Variants in UNC5D observed in about 807,000 individuals in gnomAD.
UNC5D encodes the protein netrin receptor UNC5D.
UNC5D carries 39 observed loss-of-function variants against 105.4 expected under a neutral mutation model. The observed-to-expected ratio is 0.37, with a 90% CI of 0.29 to 0.48. UNC5D has a LOEUF of 0.48. UNC5D is among the 20% of genes least tolerant of loss of function. The probability of loss-of-function intolerance (pLI) is 0.98; values close to 1 mark genes in which losing one functional copy is unlikely to be tolerated. For missense variants in UNC5D, 991 were observed against 1,202.4 expected, an observed-to-expected ratio of 0.82 and a Z score of 2.60; for synonymous variants, 452 against 450.4, an observed-to-expected ratio of 1.00 and a Z score of -0.04.
intron 4 of UNC5D, among the ~76,000 whole-genome samples, chr8:35,642,743 G>A (rs963975008): frequency 3.9e-5 from 6 of 152,122 alleles, no homozygotes; most frequent in African/African-American, 1.4e-4. Context: ...TTACTAGGAA[G>A]TATTGTTTTG....
At chr8:35,323,468 C>A (rs898250559) in intron 1 of UNC5D, among the ~76,000 whole-genome samples, 2 of 152,050 alleles carry the variant, frequency 1.3e-5, no homozygotes, top group Non-Finnish European at 2.9e-5. Flanking sequence ...CCCCTTTAGT[C>A]TGCCCTTCAC....
At chr8:35,660,735 T>C (rs1824053724) in intron 4 of UNC5D, among the ~76,000 whole-genome samples, 1 of 152,110 alleles carries the variant, frequency 6.6e-6, no homozygotes. Flanking sequence ...GTAGAGTCCC[T>C]CCCCTTGGGG....
chr8:35,717,740 C>G (rs1482395689), intron 8 of UNC5D, among the ~76,000 whole-genome samples: 1 of 152,182 alleles, frequency 6.6e-6, no homozygotes, highest in Admixed American at 6.5e-5. Flanking sequence ...AAGGTCATGT[C>G]CTCTTTTGCA....
intron 1 of UNC5D, among the ~76,000 whole-genome samples, chr8:35,430,554 G>A (rs115493331): frequency 0.014 from 2,110 of 152,202 alleles, 62 homozygotes; most frequent in African/African-American, 0.048. Context: ...ATTGGCATAG[G>A]AAGTGGAGGG....
intron 3 of UNC5D, among the ~76,000 whole-genome samples, chr8:35,575,975 C>T (rs1318346771): frequency 6.6e-6 from 1 of 152,078 alleles, no homozygotes; most frequent in African/African-American, 2.4e-5. Flanking sequence ...ATTTCATCCA[C>T]CTGAAGGAAG....
At chr8:35,297,150 A>G (rs1254058349) in intron 1 of UNC5D, among the ~76,000 whole-genome samples, 2 of 152,270 alleles carry the variant, frequency 1.3e-5, no homozygotes, top group South Asian at 2.1e-4. Flanking sequence ...GTGTGTTTAT[A>G]AGCACTTCTA....
At chr8:35,577,879 G>A (rs1175803767) in intron 3 of UNC5D, among the ~76,000 whole-genome samples, 3 of 152,112 alleles carry the variant, frequency 2.0e-5, no homozygotes, top group Admixed American at 2.0e-4. Flanking sequence ...GTGATTTGAT[G>A]TGATATCCTG....
chr8:35,400,322 G>T (rs1224094824), intron 1 of UNC5D, among the ~76,000 whole-genome samples: 2 of 151,888 alleles, frequency 1.3e-5, no homozygotes, highest in African/African-American at 4.8e-5. Flanking sequence ...TGCCTATATT[G>T]TGAGTGTGTA....
intron 1 of UNC5D, among the ~76,000 whole-genome samples, chr8:35,249,277 G>T (rs1442412132): frequency 6.7e-6 from 1 of 149,604 alleles, no homozygotes; most frequent in Non-Finnish European, 1.5e-5. Context: ...AGCTTTGGTG[G>T]CCAGGCGTGG....
chr8:35,724,183 G>T, intron 9 of UNC5D: 1 of 1,484,414 alleles, frequency 6.7e-7, no homozygotes, highest in South Asian at 1.3e-5. Flanking sequence ...TATGTGTATT[G>T]TAAATCTCTA....
At chr8:35,505,598 AG>A (rs1026706957) in intron 1 of UNC5D, among the ~76,000 whole-genome samples, 1 of 152,210 alleles carries the variant, frequency 6.6e-6, no homozygotes. Context: ...TGTGGATACT[AG>A]GAGGGTGAGC....
chr8:35,727,746 G>A (rs1303814145), intron 10 of UNC5D: 5 of 152,074 alleles, frequency 3.3e-5, no homozygotes, highest in Non-Finnish European at 1.5e-5. Flanking sequence ...AAGGATCTTT[G>A]TTCAAATGTG....
At chr8:35,684,006 T>C (rs1043627579) in intron 5 of UNC5D, among the ~76,000 whole-genome samples, 8 of 152,182 alleles carry the variant, frequency 5.3e-5, no homozygotes, top group African/African-American at 1.9e-4. Flanking sequence ...TCTTCCATTA[T>C]GTTTATATTT....
chr8:35,358,661 C>T (rs1801691635), intron 1 of UNC5D, among the ~76,000 whole-genome samples: 1 of 152,134 alleles, frequency 6.6e-6, no homozygotes, highest in Non-Finnish European at 1.5e-5. Flanking sequence ...GTAGTTCCCC[C>T]TTCCTGTCTG....
chr8:35,467,185 A>G (rs192485905), intron 1 of UNC5D, among the ~76,000 whole-genome samples: 144 of 152,306 alleles, frequency 9.5e-4, no homozygotes, highest in African/African-American at 3.1e-3. Context: ...CTTAAGACGA[A>G]TTCCTTAAAA....
intron 1 of UNC5D, among the ~76,000 whole-genome samples, chr8:35,453,806 C>G (rs575661830): frequency 2.0e-5 from 3 of 152,108 alleles, no homozygotes; most frequent in Non-Finnish European, 2.9e-5. Flanking sequence ...CCCACCCACT[C>G]TCCTGCCTAC....
chr8:35,263,699 A>C (rs569843016), intron 1 of UNC5D, among the ~76,000 whole-genome samples: 1 of 152,384 alleles, frequency 6.6e-6, no homozygotes, highest in South Asian at 2.1e-4. Context: ...ATAATAGTAG[A>C]GTAGATGACA....
chr8:35,343,712 G>C (rs1021063948), intron 1 of UNC5D, among the ~76,000 whole-genome samples: 3 of 152,014 alleles, frequency 2.0e-5, no homozygotes, highest in Non-Finnish European at 2.9e-5. Flanking sequence ...CTGCTTACAG[G>C]CTTCTGTTTC....
chr8:35,260,698 A>C (rs1455739833), intron 1 of UNC5D, among the ~76,000 whole-genome samples: 2 of 152,200 alleles, frequency 1.3e-5, no homozygotes, highest in Non-Finnish European at 2.9e-5. Flanking sequence ...TCCTGAGCTC[A>C]GGGAATCCAC....
Sources: gnomAD v4.1 joint callset for allele counts (sites outside exome capture counted in the v4.1 genomes callset) on GRCh38, gnomAD v4.1.1 for gene constraint, MANE v1.5 for transcripts, NCBI Gene and HGNC (gene_info 2026-07-23, HGNC 2026-07-21) for gene names.